The following RASAL3 variants were observed in gnomAD, a reference collection of about 807,000 sequenced individuals.
The protein encoded by RASAL3 is RAS protein activator like-3.
RASAL3 carries 74 observed loss-of-function variants against 105.5 expected under a neutral mutation model. The observed-to-expected ratio is 0.70, with a 90% confidence interval of 0.58 to 0.85. The LOEUF is 0.85. Among genes scored for constraint, RASAL3 ranks in the 40% least tolerant of loss-of-function variants. The pLI is 0.00. For missense variants in RASAL3, 1,352 were observed against 1,392.0 expected, an observed-to-expected ratio of 0.97 and a Z score of 0.46; for synonymous variants, 579 against 591.6, an observed-to-expected ratio of 0.98 and a Z score of 0.31.
At position 15,453,084 on chromosome 19, in the gene RASAL3, C is replaced by A; in HGVS notation, c.2670+23G>T. ...CGCGTCCCTGTTCCCACTCCCCAGGCGCGGACCTGGGCCTGACCTTACCTT... is the reference window on the plus strand; with the variant it reads ...CGCGTCCCTGTTCCCACTCCCCAGGAGCGGACCTGGGCCTGACCTTACCTT... On this transcript the variant is annotated intron_variant, in intron 15 of 17. Coordinates refer to ENST00000343625, the MANE Select transcript of RASAL3 (RefSeq NM_022904.3). This position sits in a 1 kb window ranked among gnomAD's most constrained non-coding sequence, Gnocchi z 4.2. The A allele has an allele frequency of 6.2e-7, 1 of 1,612,590 alleles. No individual in the cohort carries two copies. The highest frequency in any genetic ancestry group is 8.5e-7 in the Non-Finnish European group (1 of 1,179,570).
At position 15,457,191 on chromosome 19, in the gene RASAL3, C is replaced by T; in HGVS notation, c.1431+101G>A. ...CTCACACCCCTTCAAGGTGTCTCCC[C>T]CATTACAGGTGCAACTCAGGTCCTG... On this transcript the variant is annotated intron_variant, in intron 9 of 17. Coordinates refer to ENST00000343625, the MANE Select transcript of RASAL3 (RefSeq NM_022904.3). This position sits in a 1 kb window ranked among gnomAD's most constrained non-coding sequence, Gnocchi z 8.6. 3 of 1,008,498 alleles carry T rather than the reference C, an allele frequency of 3.0e-6. No homozygotes were observed. The highest frequency in any genetic ancestry group is 3.8e-6 in the Non-Finnish European group (3 of 781,564). The allele number at this position is 1,008,498 out of a possible 1,614,324, so 62.5% of individuals were successfully genotyped here. A position where few individuals can be genotyped will look rare whatever the true frequency, so the allele number is the denominator to read the frequency against.
In RASAL3 at chr19:15,453,061, C is replaced by G. The variant is rs1201363069; in HGVS notation, c.2670+46G>C. On this transcript the variant is annotated intron_variant, in intron 15 of 17. Transcript: ENST00000343625. This position sits in a 1 kb window ranked among gnomAD's most constrained non-coding sequence, Gnocchi z 4.2. ...CTGGCCCTTCAGTCTTCCCCAGTCG[C>G]GTCCCTGTTCCCACTCCCCAGGCGC... 1.2e-6 allele frequency: 2 copies of G among 1,610,118 alleles called. No homozygotes were observed.
In RASAL3 at chr19:15,451,627, C is replaced by T; in HGVS notation, c.*168G>A. ...TAGTGGGCAAAGAAACCACCAATTT[C>T]ACTGAAATCAAGATTTTACTGGGCA... On this transcript the variant is annotated 3_prime_UTR_variant, in exon 18 of 18. Coordinates refer to ENST00000343625, the MANE Select transcript of RASAL3 (RefSeq NM_022904.3). 3.1e-6 allele frequency: 2 copies of T among 654,680 alleles called. No individual in the cohort carries two copies. Among genetic ancestry groups the T allele is most frequent in the Admixed American group, 3.1e-5 (1 of 32,782 alleles). The allele number at this position is 654,680 out of a possible 1,614,324, so 40.6% of individuals were successfully genotyped here.
chr19:15,463,626 G>A (rs886163779), intron 2 of RASAL3, among the ~76,000 whole-genome samples: 2 of 152,192 alleles, frequency 1.3e-5, no homozygotes, highest in East Asian at 1.9e-4. Flanking sequence ...AACTGATGGA[G>A]AGGCTGAGGC....
chr19:15,456,712 G>A lies in RASAL3; in HGVS notation c.1432-66C>T, dbSNP rs1401854673. The A allele has an allele frequency of 6.4e-7, 1 of 1,554,966 alleles. No individual in the cohort carries two copies. The highest frequency in any genetic ancestry group is 1.4e-5 in the African/African-American group (1 of 73,804). ...GAGTCCAAGGGAATTCGGATCCTTG[G>A]CTGGTCCCTCACACCAGAGGCACAG... On this transcript the variant is annotated intron_variant, in intron 9 of 17. Coordinates refer to ENST00000343625, the MANE Select transcript of RASAL3 (RefSeq NM_022904.3). This position sits in a 1 kb window ranked among gnomAD's most constrained non-coding sequence, Gnocchi z 4.4.
chr19:15,452,930 G>C (rs544828024), intron 15 of RASAL3, 115 bp from the exon 16 acceptor site: 2 of 1,457,290 alleles, frequency 1.4e-6, no homozygotes, highest in East Asian at 2.5e-5. Flanking sequence ...CCTAGTTGGG[G>C]AACATCCCTC....
intron 15 of RASAL3, 37 bp from the exon 16 acceptor site, chr19:15,452,852 C>T (rs1970202131): frequency 2.7e-6 from 4 of 1,499,806 alleles, no homozygotes; most frequent in Non-Finnish European, 3.6e-6. Flanking sequence ...GACCCGTTGT[C>T]CCGCCCCTGT....
rs948808694 is a variant in RASAL3 at position 15,457,310 on chromosome 19, C to T, written c.1413G>A (p.Arg471=). 2.3e-6 allele frequency: 3 copies of T among 1,313,706 alleles called. No homozygotes were observed. The highest frequency in any genetic ancestry group is 1.9e-5 in the South Asian group (1 of 52,368). 81.4% of individuals were successfully genotyped at this position (1,313,706 alleles called of 1,614,324 possible). ...ELAAAMVRVL[R]ATGRAQALVT... is the part of the protein sequence containing the mutation. ...GCCGCACCTGCGCCCGGCCGGTGGC[C>T]CGCAGCACGCGCACCATGGCTGCCG... Residue 471 remains arginine (R), a synonymous_variant, in exon 9 of 18, where the codon CGG becomes CGA. Transcript: ENST00000343625. This position sits in a 1 kb window ranked among gnomAD's most constrained non-coding sequence, Gnocchi z 8.6.
chr19:15,463,180 G>A (rs140759799), intron 2 of RASAL3, among the ~76,000 whole-genome samples: 8,918 of 151,558 alleles, frequency 0.059, 376 homozygotes, highest in Middle Eastern at 0.096. Context: ...CCACCTCCCG[G>A]GTTCAAGCGA....
rs1465857671 is a variant in RASAL3 at position 15,461,212 on chromosome 19, G to A, written c.544+6C>T. ...TGCCCCAGGCCTTTCCACCCCTCAA[G>A]CTTACCTGGATCCCTGAAGTTCCCC... is the stretch of plus-strand genomic sequence containing the variant. On this transcript the variant is annotated splice_donor_region_variant and intron_variant, in intron 4 of 17. Coordinates refer to ENST00000343625, the MANE Select transcript of RASAL3 (RefSeq NM_022904.3). The A allele has an allele frequency of 3.1e-6, 5 of 1,613,892 alleles. No homozygotes were observed. The highest frequency in any genetic ancestry group is 3.4e-6 in the Non-Finnish European group (4 of 1,179,834).
At position 15,452,860 on chromosome 19, in the gene RASAL3, T is replaced by C. The variant is rs377128854; in HGVS notation, c.2671-45A>G. 1.2e-3 allele frequency: 1,819 copies of C among 1,492,762 alleles called. 22 individuals are homozygous for C. In the African/African-American group the frequency reaches 0.022, roughly 18 times the overall value. The allele number at this position is 1,492,762 out of a possible 1,614,324, so 92.5% of individuals were successfully genotyped here. On this transcript the variant is annotated intron_variant, in intron 15 of 17. Transcript: ENST00000343625. ...GTAATCTGACCCGTTGTCCCGCCCC[T>C]GTGTCTCCCCGGAGACCCTGACCTC... is the stretch of plus-strand genomic sequence containing the variant.
intron 11 of RASAL3, among the ~76,000 whole-genome samples, chr19:15,455,340 C>T (rs1300843878): frequency 1.3e-5 from 2 of 152,062 alleles, no homozygotes; most frequent in Non-Finnish European, 2.9e-5. Flanking sequence ...GCAGGTTAAC[C>T]TAGGGTCAGA....
chr19:15,456,746 C>G lies in RASAL3; in HGVS notation c.1432-100G>C, dbSNP rs1970334359. ...TCACACCAGAGGCACAGGCCCCGCC[C>G]CTTGTAGCTGATGCTTAGGCCCAGT... On this transcript the variant is annotated intron_variant, in intron 9 of 17. Transcript: ENST00000343625. This position sits in a 1 kb window ranked among gnomAD's most constrained non-coding sequence, Gnocchi z 4.4. 2 of 1,397,728 alleles carry G rather than the reference C, an allele frequency of 1.4e-6. No homozygotes were observed. The highest frequency in any genetic ancestry group is 1.4e-5 in the African/African-American group (1 of 70,360). The allele number at this position is 1,397,728 out of a possible 1,614,324, so 86.6% of individuals were successfully genotyped here.
intron 2 of RASAL3, 30 bp downstream of exon 2, chr19:15,464,001 G>A: frequency 2.0e-6 from 3 of 1,512,760 alleles, no homozygotes; most frequent in Non-Finnish European, 2.7e-6. Flanking sequence ...TCCCAGCCCG[G>A]CCCAAGCTCA....
In RASAL3 at chr19:15,453,162, A is replaced by T. The variant is rs766752674; in HGVS notation, c.2615T>A (p.Met872Lys). The T allele has an allele frequency of 9.3e-6, 15 of 1,613,112 alleles. No individual in the cohort carries two copies. The Admixed American group carries it at 2.5e-4, about 27-fold the overall frequency. ...CTGGTTTCGGTCTTGCGGCTGGTCC[A>T]TTTGGCGCTGCCAGGGTACCGACGG... ...RKPSVPWQRQ[M>K]DQPQDRNQAL... is the part of the protein sequence containing the mutation. The change falls in exon 15 of 18, where the codon ATG becomes AAG. Residue 872 changes from methionine to lysine, a missense_variant. Around this residue, in one of 3 missense-constraint regions of RASAL3, gnomAD observed 920 missense variants for 919.6 expected, o/e 1.00. Coordinates refer to ENST00000343625, the MANE Select transcript of RASAL3 (RefSeq NM_022904.3). The surrounding 1 kb of genome is among the most constrained non-coding windows in gnomAD (Gnocchi z 4.2).
chr19:15,453,438 G>A lies in RASAL3; in HGVS notation c.2339C>T (p.Pro780Leu), dbSNP rs750021078. 3 of 1,540,676 alleles carry A rather than the reference G, an allele frequency of 1.9e-6. No individual in the cohort carries two copies. The highest frequency in any genetic ancestry group is 2.6e-6 in the Non-Finnish European group (3 of 1,155,128). The change falls in exon 15 of 18, where the codon CCT becomes CTT. Residue 780 changes from proline to leucine, a missense_variant. Physicochemically the swap from Pro to Leu is moderately conservative, Grantham distance 98. This residue lies in a region of RASAL3 where 920 missense variants were observed against 919.6 expected (regional missense o/e 1.00). Coordinates refer to ENST00000343625, the MANE Select transcript of RASAL3 (RefSeq NM_022904.3). This position sits in a 1 kb window ranked among gnomAD's most constrained non-coding sequence, Gnocchi z 4.2. ...LAPRDLPKHTPLISKSQSLRS... is the reference protein window; with the variant it reads ...LAPRDLPKHTLLISKSQSLRS... ...CAGAGACTGGCTCTTGGAGATGAGA[G>A]GGGTGTGCTTGGGGAGGTCCCGGGG...
chr19:15,456,763 A>G lies in RASAL3; in HGVS notation c.1432-117T>C. The stretch of plus-strand genomic sequence containing the variant: ...GCCCCGCCCCTTGTAGCTGATGCTT[A>G]GGCCCAGTCCTTACTGCTGGGGCTC... On this transcript the variant is annotated intron_variant, in intron 9 of 17. Transcript: ENST00000343625. The surrounding 1 kb of genome is among the most constrained non-coding windows in gnomAD (Gnocchi z 4.4). 1.6e-6 allele frequency: 2 copies of G among 1,252,008 alleles called. No individual in the cohort carries two copies. Among genetic ancestry groups the G allele is most frequent in the Non-Finnish European group, 2.2e-6 (2 of 903,158 alleles). 77.6% of individuals were successfully genotyped at this position (1,252,008 alleles called of 1,614,324 possible).
In RASAL3 at chr19:15,456,168, C is replaced by G; in HGVS notation, c.1657G>C (p.Glu553Gln). The G allele has an allele frequency of 6.2e-7, 1 of 1,613,870 alleles. No homozygotes were observed. The highest frequency in any genetic ancestry group is 1.1e-5 in the South Asian group (1 of 91,082). Reference protein sequence around the residue: ...PSKCPASELPEHQARLRNSCE... With the variant: ...PSKCPASELPQHQARLRNSCE... ...CTGTTCCGAAGTCTGGCCTGGTGCT[C>G]TGGCAGCTCCGAGGCTGGACATTTG... The change falls in exon 11 of 18, where the codon GAG becomes CAG. Residue 553 changes from glutamate (E) to glutamine (Q), a missense_variant. Physicochemically the swap from Glu to Gln is conservative, Grantham distance 29 (BLOSUM62 2). This residue lies in a region of RASAL3 where 920 missense variants were observed against 919.6 expected (regional missense o/e 1.00). Coordinates refer to ENST00000343625, the MANE Select transcript of RASAL3 (RefSeq NM_022904.3). The surrounding 1 kb of genome is among the most constrained non-coding windows in gnomAD (Gnocchi z 4.4).
chr19:15,457,562 C>T lies in RASAL3; in HGVS notation c.1161G>A (p.Leu387=). ...SAVLGRVALA[L]EELDAPRAPA... Reference sequence around the variant, plus strand: ...GCGCGCGTGGGGCGTCCAGCTCCTCCAGCGCCAGGGCCACGCGGCCCAGCA... The same window carrying T: ...GCGCGCGTGGGGCGTCCAGCTCCTCTAGCGCCAGGGCCACGCGGCCCAGCA... The change falls in exon 9 of 18, where the codon CTG becomes CTA. Residue 387 remains leucine, a synonymous_variant. Transcript: ENST00000343625. The surrounding 1 kb of genome is among the most constrained non-coding windows in gnomAD (Gnocchi z 8.6). 2.6e-6 allele frequency: 3 copies of T among 1,172,796 alleles called. No homozygotes were observed. The highest frequency in any genetic ancestry group is 3.2e-6 in the Non-Finnish European group (3 of 945,350). 72.6% of individuals were successfully genotyped at this position (1,172,796 alleles called of 1,614,324 possible). A position where few individuals can be genotyped will look rare whatever the true frequency, so the allele number is the denominator to read the frequency against.
Sources: gnomAD v4.1 joint callset for allele counts (sites outside exome capture counted in the v4.1 genomes callset) on GRCh38, gnomAD v4.1.1 for gene constraint, gnomAD v4.1.1 regional missense constraint, Gnocchi (gnomAD v3.1) non-coding constraint, MANE v1.5 for transcripts, NCBI Gene and HGNC (gene_info 2026-07-23, HGNC 2026-07-21) for gene names.